Variants in LCOR observed in about 807,000 individuals in gnomAD.
LCOR encodes ligand-dependent corepressor.
A neutral mutation model predicts 64.4 loss-of-function variants in LCOR; 14 were observed. The ratio of observed to expected loss-of-function variants is 0.22; its 90% confidence interval spans 0.14 to 0.34. The LOEUF is 0.34. Ranked by LOEUF, LCOR falls within the 10% of genes least tolerant of loss-of-function variation. The pLI, the probability that LCOR is intolerant of heterozygous loss-of-function variation, is 1.00. For missense variants in LCOR, 1,686 were observed against 1,765.3 expected (o/e 0.96, Z 0.80); for synonymous variants, 643 against 642.5 (o/e 1.00, Z -0.01).
At chr10:96,837,891 C>T (rs1270661688) in intron 2 of LCOR, among the ~76,000 whole-genome samples, 4 of 152,144 alleles carry the variant, frequency 2.6e-5, no homozygotes, top group Non-Finnish European at 2.9e-5. Context: ...TTCATATTTC[C>T]CGTAAGTCTG....
chr10:96,934,945 T>A (rs538418764), intron 4 of LCOR, among the ~76,000 whole-genome samples: 1 of 152,242 alleles, frequency 6.6e-6, no homozygotes, highest in African/African-American at 2.4e-5. Context: ...GCCAACAACT[T>A]GTTCTTTAAT....
intron 4 of LCOR, among the ~76,000 whole-genome samples, chr10:96,932,364 A>G (rs755595718): frequency 6.6e-6 from 1 of 152,308 alleles, no homozygotes; most frequent in South Asian, 2.1e-4. Flanking sequence ...GGAAAAAACT[A>G]TATAAGAACA....
chr10:96,863,075 G>T (rs1401630888), intron 2 of LCOR, among the ~76,000 whole-genome samples: 4 of 151,026 alleles, frequency 2.6e-5, no homozygotes, highest in Admixed American at 6.6e-5. Context: ...GAGAGATGGG[G>T]TTTCACCATG....
At chr10:96,878,289 T>C (rs1220471352) in intron 2 of LCOR, among the ~76,000 whole-genome samples, 2 of 152,176 alleles carry the variant, frequency 1.3e-5, no homozygotes, top group African/African-American at 4.8e-5. Flanking sequence ...CCAGGAGTGC[T>C]GGGAGCAGAA....
intron 2 of LCOR, among the ~76,000 whole-genome samples, chr10:96,891,767 C>T (rs568682748): frequency 3.9e-4 from 59 of 151,940 alleles, no homozygotes; most frequent in Non-Finnish European, 5.6e-4. Flanking sequence ...TAGTTGCGAA[C>T]GCCTGACCTC....
rs567585588 is a variant in LCOR, at chr10:96,904,742, C to G, written c.-329-2523C>G. 2.0e-5 allele frequency among the ~76,000 whole-genome samples: 3 copies of G among 152,158 alleles called. No individual in the cohort carries two copies. The South Asian group carries it at 6.2e-4, about 32-fold the overall frequency. ...GGCATTTTGTTATTGATCTTTCTGGCTTTTCTGTGATATCATGGTATACAT... is the reference window on the plus strand; with the variant it reads ...GGCATTTTGTTATTGATCTTTCTGGGTTTTCTGTGATATCATGGTATACAT... On this transcript the variant is annotated intron_variant, in intron 2 of 7. Coordinates refer to ENST00000421806, the MANE Select transcript of LCOR (RefSeq NM_001346516.2).
At chr10:96,935,481 G>T (rs966611243) in intron 4 of LCOR, among the ~76,000 whole-genome samples, 2 of 151,780 alleles carry the variant, frequency 1.3e-5, no homozygotes, top group African/African-American at 4.8e-5. Context: ...TCTGTTAGTT[G>T]TATGTCATAC....
Position 96,907,282 on chromosome 10 carries a change from G to A in LCOR, c.-312G>A. The stretch of plus-strand genomic sequence containing the variant: ...CCTTTCAGGGTTTGAAAGTATTCTT[G>A]AAGGGCTGTTTGGACCTGCATTATT... On this transcript the variant is annotated 5_prime_UTR_variant, in exon 3 of 8. Coordinates refer to ENST00000421806, the MANE Select transcript of LCOR (RefSeq NM_001346516.2). 1 of 980,060 alleles carries A rather than the reference G, an allele frequency of 1.0e-6. No homozygotes were observed. Among genetic ancestry groups the A allele is most frequent in the Non-Finnish European group, 1.2e-6 (1 of 824,862 alleles). The allele number at this position is 980,060 out of a possible 1,614,324, so 60.7% of individuals were successfully genotyped here. A position where few individuals can be genotyped will look rare whatever the true frequency, so the allele number is the denominator to read the frequency against.
intron 4 of LCOR, 101 bp from the exon 5 acceptor site, chr10:96,944,012 A>G: frequency 4.3e-6 from 3 of 693,916 alleles, no homozygotes; most frequent in Non-Finnish European, 5.3e-6. Context: ...ATTGCATCAA[A>G]TTAATTTGCC....
chr10:96,888,321 G>T (rs1199706717), intron 2 of LCOR, among the ~76,000 whole-genome samples: 1 of 113,846 alleles, frequency 8.8e-6, no homozygotes, highest in Non-Finnish European at 1.6e-5. Context: ...GCCAGATCAT[G>T]CCACTGCACT....
chr10:96,870,850 C>G (rs973936357), intron 2 of LCOR, among the ~76,000 whole-genome samples: 1 of 152,158 alleles, frequency 6.6e-6, no homozygotes, highest in Non-Finnish European at 1.5e-5. Context: ...TGTACAAAAG[C>G]TTTGGACAAT....
rs1289876367 is a variant in LCOR, at chr10:96,988,844, G to C, written c.*3710G>C. The C allele has an allele frequency of 6.6e-6, 1 of 152,208 alleles. No homozygotes were observed. The highest frequency in any genetic ancestry group is 1.5e-5 in the Non-Finnish European group (1 of 68,048). 9.4% of individuals were successfully genotyped at this position (152,208 alleles called of 1,614,324 possible). On this transcript the variant is annotated 3_prime_UTR_variant, in exon 8 of 8. Transcript: ENST00000421806. ...TGTTTGTGTAAATAAAATGTGTTTGGAATATAGCCACACCCATTTTCTTAA... is the reference window on the plus strand; with the variant it reads ...TGTTTGTGTAAATAAAATGTGTTTGCAATATAGCCACACCCATTTTCTTAA...
At chr10:96,938,565 C>G (rs1467310130) in intron 4 of LCOR, among the ~76,000 whole-genome samples, 1 of 151,986 alleles carries the variant, frequency 6.6e-6, no homozygotes, top group East Asian at 1.9e-4. Context: ...AAACCAAAGT[C>G]ATTCAAATTG....
At chr10:96,915,537 A>T in intron 4 of LCOR, 1 of 590,106 alleles carries the variant, frequency 1.7e-6, no homozygotes, top group Non-Finnish European at 3.1e-6. Flanking sequence ...AATAAATAAA[A>T]CAAAATTCTG....
In LCOR at chr10:96,843,976, C is replaced by T. The variant is rs917733086; in HGVS notation, c.-330+10497C>T. ...ATGTTGTTAACATCTGTTTTACAGG[C>T]GGGGAAACAGATTTAGGGAGATTAC... On this transcript the variant is annotated intron_variant, in intron 2 of 7. Transcript: ENST00000421806. Among the ~76,000 whole-genome samples, 8 of 152,196 alleles carry T rather than the reference C, an allele frequency of 5.3e-5. No individual in the cohort carries two copies. In the East Asian group the frequency reaches 1.2e-3, roughly 22 times the overall value.
At chr10:96,956,427 A>C in intron 7 of LCOR, 1 of 985,358 alleles carries the variant, frequency 1.0e-6, no homozygotes, top group South Asian at 4.7e-5. Flanking sequence ...ATTAAACTAA[A>C]GAAAAAACTA....
At chr10:96,868,942 A>G (rs939815358) in intron 2 of LCOR, among the ~76,000 whole-genome samples, 16 of 152,078 alleles carry the variant, frequency 1.1e-4, no homozygotes, top group African/African-American at 3.1e-4. Flanking sequence ...GTCTCACTCT[A>G]TCACCTAGGC....
chr10:96,833,306 T>G (rs1425892154), intron 1 of LCOR, 100 bp from the exon 2 acceptor site: 5 of 950,364 alleles, frequency 5.3e-6, no homozygotes, highest in Non-Finnish European at 6.3e-6. Context: ...GCTTTTTCCC[T>G]GCGGGCCGGA....
In LCOR at chr10:96,985,226, C is replaced by T; in HGVS notation, c.*92C>T. The T allele has an allele frequency of 1.4e-6, 2 of 1,419,262 alleles. No individual in the cohort carries two copies. Among genetic ancestry groups the T allele is most frequent in the Non-Finnish European group, 1.9e-6 (2 of 1,077,994 alleles). The allele number at this position is 1,419,262 out of a possible 1,614,324, so 87.9% of individuals were successfully genotyped here. A position where few individuals can be genotyped will look rare whatever the true frequency, so the allele number is the denominator to read the frequency against. On this transcript the variant is annotated 3_prime_UTR_variant, in exon 8 of 8. Transcript: ENST00000421806. The stretch of plus-strand genomic sequence containing the variant: ...ATCTGCTTTTATAAGCTTATCAAGC[C>T]TTTCAAATTTACAGTTAATGGAGAA...
Sources: gnomAD v4.1 joint callset for allele counts (sites outside exome capture counted in the v4.1 genomes callset) on GRCh38, gnomAD v4.1.1 for gene constraint, MANE v1.5 for transcripts, NCBI Gene and HGNC (gene_info 2026-07-23, HGNC 2026-07-21) for gene names.